Variants in RBFOX1 observed in about 807,000 individuals in gnomAD.
RBFOX1 encodes RNA binding fox-1 homolog 1.
A neutral mutation model predicts 57.7 loss-of-function variants in RBFOX1; 8 were observed. The ratio of observed to expected loss-of-function variants is 0.14; its 90% CI spans 0.08 to 0.25. The LOEUF is 0.25. Ranked by LOEUF, RBFOX1 falls within the 10% of genes least tolerant of loss-of-function variation. The pLI is 1.00. For missense variants in RBFOX1, 611 were observed against 548.5 expected (o/e 1.11, Z -1.14); for synonymous variants, 326 against 222.4 (o/e 1.47, Z -4.15).
chr16:7,183,088 C>T (rs2083047299), intron 4 of RBFOX1, among the ~76,000 whole-genome samples: 1 of 152,108 alleles, frequency 6.6e-6, no homozygotes, highest in African/African-American at 2.4e-5. Context: ...CCCCTAACTG[C>T]CAATTTCCTA....
At chr16:6,823,314 T>C (rs1567414754) in intron 3 of RBFOX1, among the ~76,000 whole-genome samples, 1 of 151,970 alleles carries the variant, frequency 6.6e-6, no homozygotes, top group Admixed American at 6.6e-5. Flanking sequence ...TGGAGTGCAA[T>C]GGCATGATCT....
intron 1 of RBFOX1, among the ~76,000 whole-genome samples, chr16:6,179,729 G>A (rs1369439706): frequency 6.6e-6 from 1 of 152,022 alleles, no homozygotes; most frequent in Non-Finnish European, 1.5e-5. Flanking sequence ...TACATCTATT[G>A]GTATAAGGAA....
rs960618716 is a variant in RBFOX1, at chr16:5,479,777, G to C, written c.258+12523G>C. Among the ~76,000 whole-genome samples, 3 of 151,328 alleles carry C rather than the reference G, an allele frequency of 2.0e-5. No individual in the cohort carries two copies. The East Asian group carries it at 5.9e-4, about 30-fold the overall frequency. ...CCGCCCCTCACCCCCCGCAAAAAAA[G>C]AATTATTTCTCCCCTGCTACCTGTA... On this transcript the variant is annotated intron_variant, in intron 2 of 2. Transcript: ENST00000585867.
intron 4 of RBFOX1, among the ~76,000 whole-genome samples, chr16:5,936,646 G>A (rs1314752736): frequency 6.6e-6 from 1 of 152,184 alleles, no homozygotes. Context: ...TTAAGAACAA[G>A]GATGTACCTT....
chr16:5,462,735 C>A (rs1456831514), intron 1 of RBFOX1, among the ~76,000 whole-genome samples: 2 of 152,134 alleles, frequency 1.3e-5, no homozygotes, highest in Non-Finnish European at 2.9e-5. Flanking sequence ...ACACTAAGGG[C>A]TCTGGACTGT....
intron 4 of RBFOX1, among the ~76,000 whole-genome samples, chr16:7,161,966 A>G (rs530248864): frequency 6.6e-6 from 1 of 152,350 alleles, no homozygotes; most frequent in East Asian, 1.9e-4. Flanking sequence ...GCAATGAACC[A>G]CTAAAAACAT....
At chr16:5,862,638 T>C (rs982030019) in intron 3 of RBFOX1, among the ~76,000 whole-genome samples, 8 of 152,202 alleles carry the variant, frequency 5.3e-5, no homozygotes, top group Non-Finnish European at 7.3e-5. Context: ...ACAGCTCTAC[T>C]GCTTGCCAGG....
At chr16:7,450,186 G>A (rs1388563873) in intron 4 of RBFOX1, among the ~76,000 whole-genome samples, 1 of 152,018 alleles carries the variant, frequency 6.6e-6, no homozygotes, top group South Asian at 2.1e-4. Flanking sequence ...ACAAGGTCAG[G>A]GGATCGAGAT....
At chr16:6,894,323 G>C (rs1347385106) in intron 3 of RBFOX1, among the ~76,000 whole-genome samples, 1 of 152,152 alleles carries the variant, frequency 6.6e-6, no homozygotes, top group Non-Finnish European at 1.5e-5. Context: ...AAATCCCCCA[G>C]ATAGCTCTGT....
intron 1 of RBFOX1, among the ~76,000 whole-genome samples, chr16:5,432,846 C>T (rs748045590): frequency 2.6e-5 from 4 of 151,862 alleles, no homozygotes; most frequent in South Asian, 2.1e-4. Context: ...AGTGCAGTGG[C>T]GCAATCTCGG....
At chr16:6,574,897 G>A (rs1329569760) in intron 2 of RBFOX1, among the ~76,000 whole-genome samples, 1 of 151,428 alleles carries the variant, frequency 6.6e-6, no homozygotes, top group Non-Finnish European at 1.5e-5. Context: ...AATTTGGCAG[G>A]CGTGGTGGCG....
At chr16:7,600,334 A>G (rs2094944892) in intron 9 of RBFOX1, among the ~76,000 whole-genome samples, 1 of 152,214 alleles carries the variant, frequency 6.6e-6, no homozygotes, top group South Asian at 2.1e-4. Context: ...AGTGGAGATT[A>G]TGGAGAACTT....
intron 3 of RBFOX1, among the ~76,000 whole-genome samples, chr16:5,854,286 C>G (rs952120353): frequency 1.3e-5 from 2 of 152,220 alleles, no homozygotes; most frequent in Admixed American, 6.5e-5. Flanking sequence ...ATCCCCAGAA[C>G]TTATCCTGCG....
At chr16:7,696,073 G>A (rs914152421) in intron 14 of RBFOX1, among the ~76,000 whole-genome samples, 19 of 152,138 alleles carry the variant, frequency 1.2e-4, no homozygotes, top group South Asian at 2.1e-4. Flanking sequence ...GTCTTGTGTC[G>A]AGAGTGCCAA....
At chr16:6,132,103 C>A (rs1422013205) in intron 1 of RBFOX1, among the ~76,000 whole-genome samples, 2 of 152,106 alleles carry the variant, frequency 1.3e-5, no homozygotes, top group Non-Finnish European at 2.9e-5. Flanking sequence ...TACTTTATAC[C>A]AGCTTTTAAC....
intron 1 of RBFOX1, among the ~76,000 whole-genome samples, chr16:5,282,923 C>G (rs1006439571): frequency 1.3e-5 from 2 of 152,140 alleles, no homozygotes; most frequent in African/African-American, 4.8e-5. Flanking sequence ...CAGGGCATGT[C>G]ACAGGTCTTC....
At chr16:6,946,264 A>C (rs1433227416) in intron 3 of RBFOX1, among the ~76,000 whole-genome samples, 1 of 152,242 alleles carries the variant, frequency 6.6e-6, no homozygotes, top group Non-Finnish European at 1.5e-5. Flanking sequence ...TTGTAGTACA[A>C]CAATAGCCAT....
chr16:5,849,943 G>A (rs1425074518), intron 3 of RBFOX1, among the ~76,000 whole-genome samples: 2 of 152,240 alleles, frequency 1.3e-5, no homozygotes, highest in East Asian at 3.9e-4. Flanking sequence ...GTTATATTTC[G>A]GATTTGTTTT....
At chr16:7,639,803 A>C (rs1001157161) in intron 11 of RBFOX1, among the ~76,000 whole-genome samples, 2 of 152,154 alleles carry the variant, frequency 1.3e-5, no homozygotes, top group Admixed American at 6.5e-5. Flanking sequence ...TTGCTTCACC[A>C]AACCCATGGA....
Sources: allele counts gnomAD v4.1 joint callset (sites outside exome capture counted in the v4.1 genomes callset), GRCh38; gene constraint gnomAD v4.1.1; transcripts MANE v1.5; gene names NCBI Gene and HGNC (gene_info 2026-07-23, HGNC 2026-07-21).